The following LRRC37B variants were observed in gnomAD, a reference collection of about 807,000 sequenced individuals.
LRRC37B encodes leucine-rich repeat-containing protein 37B.
In LRRC37B, 28 loss-of-function variants were observed where a neutral mutation model predicts 98.3. The observed-to-expected ratio is 0.28, with a 90% CI of 0.21 to 0.39. The LOEUF (loss-of-function observed/expected upper bound fraction) is 0.39, where lower values mean the gene tolerates loss of function less well. Ranked by LOEUF, LRRC37B falls within the 10% of genes least tolerant of loss-of-function variation. LRRC37B has a pLI of 1.00. For synonymous variants in LRRC37B, 364 were observed against 442.7 expected, an observed-to-expected ratio of 0.82 and a Z score of 2.23; for missense variants, 938 against 1,182.7, an observed-to-expected ratio of 0.79 and a Z score of 3.03.
intron 1 of LRRC37B, among the ~76,000 whole-genome samples, chr17:32,011,146 G>C (rs1012219848): frequency 6.6e-6 from 1 of 150,662 alleles, no homozygotes; most frequent in African/African-American, 2.4e-5. Context: ...ACAGGCACCC[G>C]CCACCACGCC....
upstream of LRRC37B, among the ~76,000 whole-genome samples, chr17:32,007,468 C>T (rs1028497855): frequency 1.1e-4 from 16 of 152,136 alleles, no homozygotes; most frequent in Non-Finnish European, 1.5e-4. This position sits in a 1 kb window ranked among gnomAD's most constrained non-coding sequence, Gnocchi z 4.1. Context: ...GAGCCTTCTC[C>T]CTCCACTCGC....
upstream of LRRC37B, chr17:32,020,939 C>A: frequency 6.9e-7 from 1 of 1,451,176 alleles, no homozygotes; most frequent in Non-Finnish European, 9.1e-7. Context: ...AGGGGTGTTC[C>A]GGCCTGGCGG....
exon 6 of LRRC37B, chr17:32,034,945 A>G: frequency 6.2e-7 from 1 of 1,612,338 alleles, no homozygotes; most frequent in Non-Finnish European, 8.5e-7. Context: ...ACTGTCGAAG[A>G]TCCATATCTC....
At position 32,039,105 on chromosome 17, in the gene LRRC37B, T is replaced by C. The variant is rs534273330; in HGVS notation, c.2204+3466T>C. On this transcript the variant is annotated intron_variant, in intron 7 of 11. Transcript: ENST00000327564. ...TCCATTTTGAGTTAATTTGCATATA[T>C]GGTGTGAGGTTTATTGTTTTTTTGT... is the stretch of plus-strand genomic sequence containing the variant. Among the ~76,000 whole-genome samples, 5 of 152,222 alleles carry C rather than the reference T, an allele frequency of 3.3e-5. No homozygotes were observed. In the East Asian group the frequency reaches 7.7e-4, roughly 24 times the overall value.
At chr17:32,009,176 G>A (rs865973989) in intron 1 of LRRC37B, among the ~76,000 whole-genome samples, 14 of 151,766 alleles carry the variant, frequency 9.2e-5, no homozygotes, top group African/African-American at 2.9e-4. Context: ...TAATTTGCTT[G>A]TCCCTAATGA....
At chr17:32,017,752 A>G (rs1364029098), upstream of LRRC37B, among the ~76,000 whole-genome samples, 1 of 152,144 alleles carries the variant, frequency 6.6e-6, no homozygotes, top group East Asian at 1.9e-4. Flanking sequence ...TGATAGTGCC[A>G]CTGCACTTCA....
upstream of LRRC37B, among the ~76,000 whole-genome samples, chr17:32,016,549 G>A (rs1910651983): frequency 6.6e-6 from 1 of 152,158 alleles, no homozygotes; most frequent in South Asian, 2.1e-4. Flanking sequence ...ACTTGGTAAG[G>A]GGAGTATCCA....
At chr17:32,032,397 A>C (rs1354516553) in intron 5 of LRRC37B, among the ~76,000 whole-genome samples, 1 of 152,214 alleles carries the variant, frequency 6.6e-6, no homozygotes, top group East Asian at 1.9e-4. Flanking sequence ...AAGAAAATAC[A>C]TCGCTCTACT....
upstream of LRRC37B, among the ~76,000 whole-genome samples, chr17:32,020,053 C>T (rs1298416932): frequency 6.6e-6 from 1 of 152,098 alleles, no homozygotes; most frequent in African/African-American, 2.4e-5. Context: ...GCATGTTGAT[C>T]AGGCTGGTCT....
At chr17:32,012,921 G>A (rs1263051192) in intron 1 of LRRC37B, among the ~76,000 whole-genome samples, 3 of 152,170 alleles carry the variant, frequency 2.0e-5, no homozygotes, top group Non-Finnish European at 4.4e-5. Context: ...GGAGGCTGAG[G>A]CAGGAGAATT....
intron 1 of LRRC37B, among the ~76,000 whole-genome samples, chr17:32,010,778 G>C (rs1910507351): frequency 6.6e-6 from 1 of 152,036 alleles, no homozygotes; most frequent in African/African-American, 2.4e-5. Context: ...CAATCAACTT[G>C]TCTTCATCCC....
At chr17:32,041,824 G>A (rs565309556) in intron 7 of LRRC37B, 11 of 458,898 alleles carry the variant, frequency 2.4e-5, no homozygotes, top group South Asian at 9.3e-5. Context: ...TGGCCCAGAC[G>A]GGGCAACACT....
intron 1 of LRRC37B, chr17:32,024,400 G>T: frequency 3.4e-6 from 2 of 593,614 alleles, no homozygotes; most frequent in Non-Finnish European, 6.1e-6. Context: ...TGATTTGTAG[G>T]AGTTTGTTTA....
intron 3 of LRRC37B, among the ~76,000 whole-genome samples, 161 bp downstream of exon 6, chr17:32,028,001 C>T (rs1163299669): frequency 7.4e-6 from 1 of 134,998 alleles, no homozygotes; most frequent in African/African-American, 2.8e-5. Flanking sequence ...TAGCTACATC[C>T]TATGCATTTT....
intron 7 of LRRC37B, chr17:32,039,872 C>A (rs963077735): frequency 4.6e-5 from 7 of 152,044 alleles, no homozygotes; most frequent in Non-Finnish European, 1.0e-4. Flanking sequence ...TCCTCAGCCT[C>A]CTACAGCATC....
At chr17:32,021,760 T>C in exon 1 of LRRC37B, 1 of 1,614,216 alleles carries the variant, frequency 6.2e-7, no homozygotes, top group Non-Finnish European at 8.5e-7. Context: ...CTTCCTGAGA[T>C]TGTTGGGATT....
At chr17:32,029,092 C>T (rs1249023920) in intron 3 of LRRC37B, 4 of 152,010 alleles carry the variant, frequency 2.6e-5, no homozygotes, top group South Asian at 4.1e-4. Context: ...AGCTCTGCCT[C>T]CCTGGTTCAC....
Position 32,049,096 on chromosome 17 carries a change from C to T in LRRC37B, c.2465-6C>T, listed in dbSNP as rs1911671080. 1 of 1,613,624 alleles carries T rather than the reference C, an allele frequency of 6.2e-7. No individual in the cohort carries two copies. Among genetic ancestry groups the T allele is most frequent in the Non-Finnish European group, 8.5e-7 (1 of 1,179,868 alleles). On this transcript the variant is annotated splice_region_variant and splice_polypyrimidine_tract_variant and intron_variant, in intron 9 of 11. Transcript: ENST00000327564. Reference sequence around the variant, plus strand: ...AGCTTCAATTACCCATTGCTCTCGTCCCCAGGTGATCAGCTTGAAATTCAG... The same window carrying T: ...AGCTTCAATTACCCATTGCTCTCGTTCCCAGGTGATCAGCTTGAAATTCAG...
chr17:32,015,163 ATTTTT>A (rs1388956054), intron 1 of LRRC37B, among the ~76,000 whole-genome samples: 1 of 152,170 alleles, frequency 6.6e-6, no homozygotes, highest in African/African-American at 2.4e-5. Flanking sequence ...CTAGCTGGTG[ATTTTT>A]ATATTATTAC....
Sources: allele counts gnomAD v4.1 joint callset (sites outside exome capture counted in the v4.1 genomes callset), GRCh38; gene constraint gnomAD v4.1.1; non-coding constraint Gnocchi (gnomAD v3.1); transcripts MANE v1.5; gene names NCBI Gene and HGNC (gene_info 2026-07-23, HGNC 2026-07-21).